The following PTPRD variants were observed in gnomAD, a reference collection of about 807,000 sequenced individuals.
The protein encoded by PTPRD is receptor-type tyrosine-protein phosphatase delta.
PTPRD carries 34 observed loss-of-function variants against 214.5 expected under a neutral mutation model. The observed-to-expected ratio is 0.16, with a 90% CI of 0.12 to 0.21. The LOEUF is 0.21. Among genes scored for constraint, PTPRD ranks in the 10% least tolerant of loss-of-function variants. The probability of loss-of-function intolerance (pLI) is 1.00; values close to 1 mark genes in which losing one functional copy is unlikely to be tolerated. For missense variants in PTPRD, 2,545 were observed against 2,398.7 expected (o/e 1.06, Z -1.27); for synonymous variants, 1,128 against 845.7 (o/e 1.33, Z -5.79).
chr9:8,465,751 T>A (rs1162683230), intron 31 of PTPRD, 76 bp from the exon 32 acceptor site: 1 of 1,319,536 alleles, frequency 7.6e-7, no homozygotes, highest in African/African-American at 1.5e-5. Flanking sequence ...ATGAGATAAA[T>A]TAATTCAGAA....
At chr9:9,246,075 T>C (rs1258456969) in intron 9 of PTPRD, among the ~76,000 whole-genome samples, 3 of 152,028 alleles carry the variant, frequency 2.0e-5, no homozygotes, top group Admixed American at 6.6e-5. Flanking sequence ...TGCAAACAAA[T>C]ATATTTTACT....
At chr9:10,343,977 A>AG (rs2097001818) in intron 2 of PTPRD, among the ~76,000 whole-genome samples, 4 of 43,256 alleles carry the variant, frequency 9.2e-5, no homozygotes, top group African/African-American at 3.8e-4. Flanking sequence ...TTCTGATGGT[A>AG]GTTTTTTTTT....
chr9:9,443,985 C>T (rs1332211), intron 8 of PTPRD, among the ~76,000 whole-genome samples: 135,553 of 152,186 alleles, frequency 0.89, 60,606 homozygotes, highest in African/African-American at 0.97. Context: ...TTTCTAACTA[C>T]AGTGGCAAAA....
At chr9:9,665,111 G>A (rs1194427595) in intron 7 of PTPRD, among the ~76,000 whole-genome samples, 2 of 151,648 alleles carry the variant, frequency 1.3e-5, no homozygotes, top group African/African-American at 2.4e-5. Context: ...GTGCATCTAT[G>A]TGTGTATGTG....
chr9:9,166,488 G>A (rs1208550840), intron 10 of PTPRD, among the ~76,000 whole-genome samples: 2 of 152,076 alleles, frequency 1.3e-5, no homozygotes, highest in African/African-American at 4.8e-5. Context: ...CCACCTAATT[G>A]CATATTCCTC....
chr9:9,467,812 T>C (rs902194112), intron 8 of PTPRD, among the ~76,000 whole-genome samples: 1 of 152,064 alleles, frequency 6.6e-6, no homozygotes, highest in Non-Finnish European at 1.5e-5. Context: ...GTTTACGTGG[T>C]TAATTACACA....
chr9:8,691,149 CG>C (rs2097792058), intron 12 of PTPRD, among the ~76,000 whole-genome samples: 1 of 152,020 alleles, frequency 6.6e-6, no homozygotes, highest in African/African-American at 2.4e-5. Flanking sequence ...GCCACATCCC[CG>C]AATATTCCCC....
At chr9:9,420,107 C>A (rs2078233794) in intron 8 of PTPRD, among the ~76,000 whole-genome samples, 1 of 36,194 alleles carries the variant, frequency 2.8e-5, no homozygotes, top group African/African-American at 9.7e-5. Context: ...CTACCAGACA[C>A]TATAATATTT....
At chr9:8,676,648 A>T (rs559174961) in intron 12 of PTPRD, among the ~76,000 whole-genome samples, 1 of 152,112 alleles carries the variant, frequency 6.6e-6, no homozygotes, top group East Asian at 1.9e-4. Flanking sequence ...ATCTCGGCTC[A>T]CCGCCACCAC....
intron 3 of PTPRD, among the ~76,000 whole-genome samples, chr9:10,264,912 G>T (rs545560622): frequency 6.6e-6 from 1 of 152,264 alleles, no homozygotes; most frequent in South Asian, 2.1e-4. Flanking sequence ...TCTCATGGTA[G>T]TGAATAAGTC....
chr9:9,656,669 A>C (rs1564359374), intron 7 of PTPRD, among the ~76,000 whole-genome samples: 1 of 152,174 alleles, frequency 6.6e-6, no homozygotes, highest in Admixed American at 6.5e-5. Context: ...GTGATGAAAC[A>C]GTCTGTATGA....
chr9:10,116,584 T>G (rs542077401), intron 3 of PTPRD, among the ~76,000 whole-genome samples: 2 of 152,140 alleles, frequency 1.3e-5, no homozygotes, highest in Non-Finnish European at 2.9e-5. Flanking sequence ...TATAGATTAC[T>G]TTGTACTCCC....
chr9:9,783,598 A>G (rs2098883899), intron 5 of PTPRD, among the ~76,000 whole-genome samples: 2 of 152,168 alleles, frequency 1.3e-5, no homozygotes, highest in African/African-American at 2.4e-5. Context: ...CTGATAATAC[A>G]GAATAAAATA....
At chr9:8,772,110 TA>T (rs1415476896) in intron 11 of PTPRD, among the ~76,000 whole-genome samples, 1 of 150,482 alleles carries the variant, frequency 6.6e-6, no homozygotes, top group Non-Finnish European at 1.5e-5. Flanking sequence ...AATTAAAACT[TA>T]AAAAAAAACT....
At chr9:8,597,918 T>C (rs913987915) in intron 14 of PTPRD, among the ~76,000 whole-genome samples, 4 of 152,140 alleles carry the variant, frequency 2.6e-5, no homozygotes, top group Admixed American at 6.5e-5. Context: ...GACCAACTTG[T>C]TTAAAGACAC....
intron 3 of PTPRD, among the ~76,000 whole-genome samples, chr9:10,273,791 T>C (rs1378314069): frequency 6.6e-6 from 1 of 152,142 alleles, no homozygotes; most frequent in Non-Finnish European, 1.5e-5. Flanking sequence ...TATCAGGTAG[T>C]AGCATACCAT....
At chr9:9,730,260 C>T (rs938707885) in intron 7 of PTPRD, among the ~76,000 whole-genome samples, 1 of 151,860 alleles carries the variant, frequency 6.6e-6, no homozygotes, top group African/African-American at 2.4e-5. Flanking sequence ...TGCAAGTTAC[C>T]TATAATACTG....
intron 6 of PTPRD, among the ~76,000 whole-genome samples, chr9:9,760,599 T>TACACACAC (rs146209140): frequency 1.8e-4 from 19 of 107,884 alleles, no homozygotes; most frequent in African/African-American, 5.1e-4. Context: ...TCAGCTATCA[T>TACACACAC]ACACACACAC....
At chr9:9,864,175 G>C (rs943510593) in intron 5 of PTPRD, among the ~76,000 whole-genome samples, 1 of 152,068 alleles carries the variant, frequency 6.6e-6, no homozygotes, top group African/African-American at 2.4e-5. Context: ...GTGTGGTGGC[G>C]GGTGCCCGCA....
Sources: allele counts gnomAD v4.1 joint callset (sites outside exome capture counted in the v4.1 genomes callset), GRCh38; gene constraint gnomAD v4.1.1; transcripts MANE v1.5; gene names NCBI Gene and HGNC (gene_info 2026-07-23, HGNC 2026-07-21).